KSR1: variants seen among roughly 807,000 people sequenced by gnomAD.
The protein encoded by KSR1 is kinase suppressor of ras.
In KSR1, 35 loss-of-function variants were observed where a neutral mutation model predicts 92.9. The ratio of observed to expected loss-of-function variants is 0.38; its 90% CI spans 0.29 to 0.50. The LOEUF is 0.50. Ranked by LOEUF, KSR1 falls within the 20% of genes least tolerant of loss-of-function variation. The pLI is 0.94. For synonymous variants in KSR1, 467 were observed against 472.6 expected (o/e 0.99, Z 0.15); for missense variants, 972 against 1,158.5 (o/e 0.84, Z 2.34).
intron 1 of KSR1, chr17:27,465,438 TG>T (rs2019645891): frequency 6.6e-6 from 1 of 152,146 alleles, no homozygotes; most frequent in Non-Finnish European, 1.5e-5. Context: ...CCCAGCACTT[TG>T]GGAGGCAGAG....
chr17:27,532,303 T>A (rs1291635602), intron 1 of KSR1, among the ~76,000 whole-genome samples: 1 of 152,126 alleles, frequency 6.6e-6, no homozygotes, highest in Non-Finnish European at 1.5e-5. Context: ...TCAGTGCGGG[T>A]GAGCTATCCT....
At chr17:27,497,894 G>A (rs2069044603) in intron 1 of KSR1, among the ~76,000 whole-genome samples, 1 of 152,170 alleles carries the variant, frequency 6.6e-6, no homozygotes, top group African/African-American at 2.4e-5. Context: ...GAGTCAGTGC[G>A]TGCACAGCAA....
chr17:27,537,580 A>G (rs531939960), intron 1 of KSR1, among the ~76,000 whole-genome samples: 3 of 152,282 alleles, frequency 2.0e-5, no homozygotes, highest in Non-Finnish European at 2.9e-5. Flanking sequence ...AATCGCAGCT[A>G]CTTGGGAGGC....
chr17:27,587,779 G>C (rs2073022684), intron 5 of KSR1: 1 of 152,352 alleles, frequency 6.6e-6, no homozygotes, highest in Admixed American at 6.5e-5. Flanking sequence ...GGCTGGGAGA[G>C]GGAACGTCCT....
rs1260065326 is a variant in KSR1 at position 27,597,405 on chromosome 17, T to G, written c.1437T>G (p.Pro479=). The G allele has an allele frequency of 6.8e-6, 11 of 1,611,598 alleles. No individual in the cohort carries two copies. In the Middle Eastern group the frequency reaches 6.6e-4, roughly 97 times the overall value. Residue 479 remains proline, a synonymous_variant, in exon 10 of 21, where the codon CCT becomes CCG. Coordinates refer to ENST00000644974, the MANE Select transcript of KSR1 (RefSeq NM_001394583.1). The part of the protein sequence containing the change: ...SSATTPPNPS[P]GQRDSRFNFP... ...CCACCACGCCCCCCAACCCCTCACC[T>G]GGCCAGCGGGACAGCAGGTTCAACT...
intron 1 of KSR1, among the ~76,000 whole-genome samples, chr17:27,503,075 A>G (rs904075988): frequency 1.3e-5 from 2 of 152,192 alleles, no homozygotes; most frequent in African/African-American, 2.4e-5. Context: ...CAGCATTCTT[A>G]TATTGCAGAT....
At position 27,595,811 on chromosome 17, in the gene KSR1, G is replaced by A. The variant is rs367931367; in HGVS notation, c.1300-1457G>A. On this transcript the variant is annotated intron_variant, in intron 9 of 20. Transcript: ENST00000644974. ...CTCGGAGCTGTGAGATGCTGGTGCCGTTCTCAGGGGTCTCCTCTGTGCTGT... is the reference window on the plus strand; with the variant it reads ...CTCGGAGCTGTGAGATGCTGGTGCCATTCTCAGGGGTCTCCTCTGTGCTGT... Among the ~76,000 whole-genome samples, 12 of 152,020 alleles carry A rather than the reference G, an allele frequency of 7.9e-5. No individual in the cohort carries two copies. In the East Asian group the frequency reaches 1.6e-3, roughly 20 times the overall value.
chr17:27,547,750 G>C, intron 1 of KSR1, among the ~76,000 whole-genome samples: 1 of 152,042 alleles, frequency 6.6e-6, no homozygotes, highest in Non-Finnish European at 1.5e-5. Context: ...GATCACTAAG[G>C]CTGGCAGGCT....
intron 3 of KSR1, among the ~76,000 whole-genome samples, chr17:27,582,094 C>T (rs1301375151): frequency 6.6e-6 from 1 of 152,110 alleles, no homozygotes; most frequent in Non-Finnish European, 1.5e-5. Flanking sequence ...GGTCACCCCA[C>T]TTTTGGGGTG....
intron 15 of KSR1, 143 bp from the exon 16 acceptor site, chr17:27,609,053 T>A: frequency 9.8e-7 from 1 of 1,023,544 alleles, no homozygotes; most frequent in Non-Finnish European, 1.4e-6. Context: ...TCTCTGAACC[T>A]CGATTTCTTC....
chr17:27,604,842 T>A, intron 13 of KSR1, 114 bp downstream of exon 13: 1 of 1,024,134 alleles, frequency 9.8e-7, no homozygotes, highest in Non-Finnish European at 1.5e-6. Context: ...GCAAGGGCTG[T>A]CCCAGGCACC....
chr17:27,472,326 A>G (rs143345004), intron 1 of KSR1, among the ~76,000 whole-genome samples: 1 of 152,344 alleles, frequency 6.6e-6, no homozygotes, highest in East Asian at 1.9e-4. Context: ...GTACTCACAT[A>G]GCGAGGTGTG....
intron 1 of KSR1, among the ~76,000 whole-genome samples, chr17:27,485,035 G>C (rs1327872347): frequency 6.6e-6 from 1 of 152,206 alleles, no homozygotes; most frequent in Non-Finnish European, 1.5e-5. Context: ...TTCCCCAAGA[G>C]GGTTATTGGT....
At chr17:27,560,607 TG>T (rs2071790003) in intron 2 of KSR1, among the ~76,000 whole-genome samples, 1 of 152,192 alleles carries the variant, frequency 6.6e-6, no homozygotes. Context: ...TCCCAGTGGC[TG>T]GGGGTGGCCA....
At chr17:27,549,256 C>G (rs2071304014) in intron 1 of KSR1, among the ~76,000 whole-genome samples, 1 of 152,190 alleles carries the variant, frequency 6.6e-6, no homozygotes, top group Admixed American at 6.5e-5. Flanking sequence ...ACTTGGAAGT[C>G]ACCATTAGGA....
intron 19 of KSR1, among the ~76,000 whole-genome samples, chr17:27,618,139 A>G (rs61259640): frequency 0.061 from 9,331 of 152,114 alleles, 800 homozygotes; most frequent in African/African-American, 0.19. Context: ...ATTGCTTACA[A>G]TGGCACCCAC....
intron 7 of KSR1, 61 bp from the exon 8 acceptor site, chr17:27,592,300 C>T: frequency 1.5e-6 from 2 of 1,356,608 alleles, no homozygotes; most frequent in Non-Finnish European, 2.1e-6. Context: ...ACAGAGCTAC[C>T]CCTGTGTGCC....
chr17:27,595,254 A>G (rs974153165), intron 9 of KSR1, among the ~76,000 whole-genome samples: 1 of 152,228 alleles, frequency 6.6e-6, no homozygotes, highest in Non-Finnish European at 1.5e-5. Context: ...TGCCTAATGT[A>G]GAATCCCCCT....
intron 1 of KSR1, among the ~76,000 whole-genome samples, chr17:27,470,240 GTT>G (rs546302787): frequency 1.4e-4 from 16 of 114,374 alleles, no homozygotes; most frequent in Admixed American, 1.8e-4. Context: ...TTTTGTTTGT[GTT>G]TTTTTTTTTT....
Sources: gnomAD v4.1 joint callset for allele counts (sites outside exome capture counted in the v4.1 genomes callset) on GRCh38, gnomAD v4.1.1 for gene constraint, MANE v1.5 for transcripts, NCBI Gene and HGNC (gene_info 2026-07-23, HGNC 2026-07-21) for gene names.